FBN3: variants seen among roughly 807,000 people sequenced by gnomAD.
The protein encoded by FBN3 is fibrillin 3, also known as fibrillin-3.
Under a neutral mutation model 330.1 loss-of-function variants are expected in FBN3, and 234 were observed. The observed-to-expected ratio is 0.71, with a 90% CI of 0.64 to 0.79. The LOEUF is 0.79. Among genes scored for constraint, FBN3 ranks in the 30% least tolerant of loss-of-function variants. The pLI is 0.00. For synonymous variants in FBN3, 1,458 were observed against 1,517.3 expected (o/e 0.96, Z 0.91); for missense variants, 3,606 against 3,886.9 (o/e 0.93, Z 1.92).
chr19:8,128,362 G>A (rs1223354311), intron 18 of FBN3, among the ~76,000 whole-genome samples: 4 of 152,104 alleles, frequency 2.6e-5, no homozygotes, highest in Non-Finnish European at 4.4e-5. Flanking sequence ...TCAGGAGTTC[G>A]AGACCAGCCT....
At chr19:8,113,069 T>C (rs2082626199) in intron 30 of FBN3, among the ~76,000 whole-genome samples, 2 of 152,218 alleles carry the variant, frequency 1.3e-5, no homozygotes, top group South Asian at 4.1e-4. Context: ...TAGATGTAAC[T>C]AAGTTAAGAT....
Position 8,089,926 on chromosome 19 carries a change from C to A in FBN3, c.6218G>T (p.Gly2073Val). The change falls in exon 50 of 64, where the codon GGG becomes GTG. Residue 2073 changes from glycine to valine, a missense_variant. Physicochemically the swap from Gly to Val is moderately radical, Grantham distance 109 (BLOSUM62 -3). Transcript: ENST00000600128. ...GGAGTCATCCGGGCCTGGGACTGCC[C>A]CGTGGCCAAAGGGGCAGAGCTCCTG... ...AFQELCPFGHGAVPGPDDSRE... is the reference protein window; with the variant it reads ...AFQELCPFGHVAVPGPDDSRE... 1 of 1,607,754 alleles carries A rather than the reference C, an allele frequency of 6.2e-7. No homozygotes were observed. Among genetic ancestry groups the A allele is most frequent in the Non-Finnish European group, 8.5e-7 (1 of 1,177,758 alleles).
In FBN3 at chr19:8,144,858, A is replaced by AC; in HGVS notation, c.541+18dup. 2 of 1,576,004 alleles carry AC rather than the reference A, an allele frequency of 1.3e-6. No homozygotes were observed. The highest frequency in any genetic ancestry group is 2.7e-5 in the African/African-American group (2 of 74,546). ...CCATCGAGTCCCCTGTCTACCTCCC[A>AC]CCCGCGCATGCTTGGTACCTCTCTC... On this transcript the variant is annotated intron_variant, in intron 6 of 63. Coordinates refer to ENST00000600128, the MANE Select transcript of FBN3 (RefSeq NM_032447.5).
intron 63 of FBN3, among the ~76,000 whole-genome samples, chr19:8,070,145 GA>G (rs1486065123): frequency 1.3e-5 from 2 of 152,126 alleles, no homozygotes; most frequent in African/African-American, 4.8e-5. Context: ...TAGCAAGGGG[GA>G]AAAAATAACT....
In FBN3 at chr19:8,138,177, C is replaced by A. The variant is rs764929965; in HGVS notation, c.1165G>T (p.Gly389Trp). The change falls in exon 10 of 64, where the codon GGG (glycine) becomes TGG (tryptophan). Residue 389 changes from glycine to tryptophan, a missense_variant. Physicochemically the swap from Gly to Trp is radical, Grantham distance 184. Coordinates refer to ENST00000600128, the MANE Select transcript of FBN3 (RefSeq NM_032447.5). Reference protein sequence around the residue: ...RLNPHGSDARGIPSLGPGNSN... With the variant: ...RLNPHGSDARWIPSLGPGNSN... ...TTGCCAGGGCCCAGGCTGGGGATCC[C>A]ACGCGCATCAGAGCCATGGGGGTTG... The A allele has an allele frequency of 6.2e-7, 1 of 1,612,658 alleles. No homozygotes were observed. The highest frequency in any genetic ancestry group is 1.1e-5 in the South Asian group (1 of 90,914).
At chr19:8,083,482 T>C in intron 56 of FBN3, 110 bp from the exon 57 acceptor site, 1 of 1,346,420 alleles carries the variant, frequency 7.4e-7, no homozygotes, top group Non-Finnish European at 1.0e-6. Flanking sequence ...AAGTCCAGCC[T>C]CCCTTCCACA....
intron 22 of FBN3, 45 bp downstream of exon 22, chr19:8,125,847 A>C: frequency 6.4e-7 from 1 of 1,553,052 alleles, no homozygotes; most frequent in Non-Finnish European, 8.7e-7. Context: ...GGAGGGAACA[A>C]AGGAAGAACG....
intron 6 of FBN3, 60 bp downstream of exon 6, chr19:8,144,817 G>C: frequency 1.4e-6 from 2 of 1,395,136 alleles, no homozygotes; most frequent in Admixed American, 2.0e-5. Context: ...GGGACTTCCA[G>C]GAAACCCCCT....
At position 8,111,191 on chromosome 19, in the gene FBN3, G is replaced by T; in HGVS notation, c.4085-8C>A. ...CGGCACATTCATCCCTGTCTGAGGG[G>T]CCCCAAGATTCGGAGGGCTGGAGGC... On this transcript the variant is annotated splice_region_variant and splice_polypyrimidine_tract_variant and intron_variant, in intron 32 of 63. Coordinates refer to ENST00000600128, the MANE Select transcript of FBN3 (RefSeq NM_032447.5). 2 of 1,584,122 alleles carry T rather than the reference G, an allele frequency of 1.3e-6. No homozygotes were observed. The highest frequency in any genetic ancestry group is 1.7e-6 in the Non-Finnish European group (2 of 1,164,760).
At chr19:8,081,874 A>C (rs1318777166) in intron 57 of FBN3, among the ~76,000 whole-genome samples, 1 of 152,122 alleles carries the variant, frequency 6.6e-6, no homozygotes, top group African/African-American at 2.4e-5. Flanking sequence ...TGCAAAATAA[A>C]AGGAAGAAAT....
intron 56 of FBN3, among the ~76,000 whole-genome samples, 182 bp from the exon 57 acceptor site, chr19:8,083,554 C>T (rs1476958076): frequency 1.3e-5 from 2 of 152,080 alleles, no homozygotes; most frequent in East Asian, 1.9e-4. Flanking sequence ...CACCTGAGCC[C>T]GCAGGACACG....
chr19:8,119,119 GC>G (rs2082779303), intron 25 of FBN3, 97 bp from the exon 26 acceptor site: 1 of 1,395,248 alleles, frequency 7.2e-7, no homozygotes, highest in Non-Finnish European at 9.7e-7. Context: ...CACCTCCCCA[GC>G]CCCCTTCACC....
rs772860256 is a variant in FBN3, at chr19:8,136,227, C to G, written c.1428G>C (p.Pro476=). ...IPGTYHCRCY[P]GFQATPTRQA... ...GCCTGGTGGGCGTGGCCTGGAAGCC[C>G]GGGTAGCACCGGCAGTGGTAGGTGC... is the stretch of plus-strand genomic sequence containing the variant. The change falls in exon 12 of 64, where the codon CCG becomes CCC. Residue 476 remains proline, a synonymous_variant. Coordinates refer to ENST00000600128, the MANE Select transcript of FBN3 (RefSeq NM_032447.5). 6.2e-7 allele frequency: 1 copy of G among 1,611,928 alleles called. No individual in the cohort carries two copies. The highest frequency in any genetic ancestry group is 8.5e-7 in the Non-Finnish European group (1 of 1,179,438).
intron 63 of FBN3, among the ~76,000 whole-genome samples, chr19:8,067,518 T>C (rs1029874719): frequency 6.6e-6 from 1 of 152,162 alleles, no homozygotes; most frequent in Admixed American, 6.5e-5. Context: ...GCACCTGTAG[T>C]CCCAGCTACT....
intron 59 of FBN3, among the ~76,000 whole-genome samples, chr19:8,078,003 G>A (rs1661573973): frequency 6.6e-6 from 1 of 151,774 alleles, no homozygotes; most frequent in African/African-American, 2.4e-5. Context: ...CTTGAACCTG[G>A]GAGGTGAGAT....
rs139209082 is a variant in FBN3, at chr19:8,121,334, G to C, written c.3135C>G (p.Val1045=). The change falls in exon 25 of 64, where the codon GTC becomes GTG. Residue 1045 remains valine (V), a synonymous_variant. Transcript: ENST00000600128. This position sits in a 1 kb window ranked among gnomAD's most constrained non-coding sequence, Gnocchi z 4.5. ...SPDLCGQGTC[V]NTPGSFECEC... is the part of the protein sequence containing the mutation. ...CGCACTCAAAGCTGCCCGGCGTGTTGACACAGGTGCCCTGGCCGCAGAGGT... is the reference window on the plus strand; with the variant it reads ...CGCACTCAAAGCTGCCCGGCGTGTTCACACAGGTGCCCTGGCCGCAGAGGT... 93 of 1,613,418 alleles carry C rather than the reference G, an allele frequency of 5.8e-5. No individual in the cohort carries two copies. The African/African-American group carries it at 1.1e-3, about 19-fold the overall frequency.
At chr19:8,119,122 C>G in intron 25 of FBN3, 100 bp from the exon 26 acceptor site, 2 of 1,374,590 alleles carry the variant, frequency 1.5e-6, no homozygotes, top group Middle Eastern at 2.1e-4. Context: ...CTCCCCAGCC[C>G]CCTTCACCCC....
chr19:8,106,087 C>T (rs1422902518), intron 38 of FBN3, 21 bp downstream of exon 38: 2 of 1,613,812 alleles, frequency 1.2e-6, no homozygotes, highest in East Asian at 2.2e-5. Context: ...CTGACCCACC[C>T]CAAAGAGAAT....
chr19:8,141,971 G>A lies in FBN3; in HGVS notation c.708C>T (p.Phe236=). 6.2e-7 allele frequency: 1 copy of A among 1,614,152 alleles called. No individual in the cohort carries two copies. The highest frequency in any genetic ancestry group is 1.3e-5 in the African/African-American group (1 of 75,038). ...PAQPHPCRRG[F]IPNIHTGACQ... ...AGGCCCCCGTGTGGATATTGGGGATGAAGCCGCGGCGGCAGGGGTGTGGCT... is the reference window on the plus strand; with the variant it reads ...AGGCCCCCGTGTGGATATTGGGGATAAAGCCGCGGCGGCAGGGGTGTGGCT... The change falls in exon 7 of 64, where the codon TTC becomes TTT. Residue 236 remains phenylalanine (F), a synonymous_variant. Coordinates refer to ENST00000600128, the MANE Select transcript of FBN3 (RefSeq NM_032447.5).
Sources: gnomAD v4.1 joint callset for allele counts (sites outside exome capture counted in the v4.1 genomes callset) on GRCh38, gnomAD v4.1.1 for gene constraint, Gnocchi (gnomAD v3.1) non-coding constraint, MANE v1.5 for transcripts, NCBI Gene and HGNC (gene_info 2026-07-23, HGNC 2026-07-21) for gene names.